The following HS2ST1 variants were observed in gnomAD, a reference collection of about 807,000 sequenced individuals.
HS2ST1 encodes the protein heparan sulfate 2-O-sulfotransferase 1, also known as 2-O-sulfotransferase.
HS2ST1 carries 18 observed loss-of-function variants against 42.9 expected under a neutral mutation model. That is an observed-to-expected ratio of 0.42 (90% confidence interval 0.29 to 0.62). HS2ST1 has a LOEUF of 0.62. HS2ST1 is among the 20% of genes least tolerant of loss of function. HS2ST1 has a pLI of 0.21. For missense variants in HS2ST1, 334 were observed against 433.8 expected (o/e 0.77, Z 2.04); for synonymous variants, 146 against 152.9 (o/e 0.95, Z 0.33).
chr1:86,983,010 G>T (rs1168253547), intron 1 of HS2ST1, among the ~76,000 whole-genome samples: 2 of 152,146 alleles, frequency 1.3e-5, no homozygotes, highest in Non-Finnish European at 1.5e-5. Flanking sequence ...GACCACCTCA[G>T]CCTGGACCCC....
intron 1 of HS2ST1, among the ~76,000 whole-genome samples, chr1:86,933,048 G>T (rs535103075): frequency 1.4e-3 from 209 of 152,150 alleles, no homozygotes; most frequent in Middle Eastern, 3.4e-3. Context: ...AGAATATTTA[G>T]AGAACATGAA....
chr1:87,026,345 A>G (rs547474954), intron 1 of HS2ST1, among the ~76,000 whole-genome samples: 6 of 152,312 alleles, frequency 3.9e-5, no homozygotes, highest in African/African-American at 1.4e-4. Context: ...CTCTTAAAAC[A>G]TCTTTTCTTT....
At chr1:87,046,718 TA>T in intron 1 of HS2ST1, 1 of 1,143,584 alleles carries the variant, frequency 8.7e-7, no homozygotes, top group Non-Finnish European at 1.2e-6. Context: ...ATGTCGATTT[TA>T]TTTATTTTTG....
chr1:86,992,957 C>A, intron 1 of HS2ST1: 1 of 1,006,076 alleles, frequency 9.9e-7, no homozygotes, highest in Non-Finnish European at 1.4e-6. Flanking sequence ...TTAGCAAGGC[C>A]TGTTTGTTCA....
chr1:86,934,901 C>T (rs1660611769), intron 1 of HS2ST1: 1 of 124,180 alleles, frequency 8.1e-6, no homozygotes, highest in South Asian at 2.5e-4. Context: ...GCATTCCTGC[C>T]TGGGCGACAA....
chr1:86,915,823 T>C (rs1011689248), intron 1 of HS2ST1, among the ~76,000 whole-genome samples: 3 of 152,224 alleles, frequency 2.0e-5, no homozygotes, highest in Non-Finnish European at 2.9e-5. Flanking sequence ...AATTCTTCTT[T>C]AGTGGCGCTA....
chr1:87,066,997 T>A (rs1651269712), intron 1 of HS2ST1, among the ~76,000 whole-genome samples: 2 of 152,254 alleles, frequency 1.3e-5, no homozygotes, highest in Admixed American at 1.3e-4. Flanking sequence ...TGGTTCCACA[T>A]CTTTACTATT....
At chr1:87,029,144 G>A (rs1165312839) in intron 1 of HS2ST1, among the ~76,000 whole-genome samples, 1 of 152,082 alleles carries the variant, frequency 6.6e-6, no homozygotes, top group Non-Finnish European at 1.5e-5. Flanking sequence ...GGATGGTTTA[G>A]TATTAGGAAT....
At chr1:87,028,648 C>T (rs934549377) in intron 1 of HS2ST1, among the ~76,000 whole-genome samples, 2 of 152,090 alleles carry the variant, frequency 1.3e-5, no homozygotes, top group Non-Finnish European at 2.9e-5. Context: ...GGGTATATAC[C>T]ATATGTTAGA....
At chr1:87,068,216 T>C (rs560056797) in intron 1 of HS2ST1, among the ~76,000 whole-genome samples, 1 of 152,322 alleles carries the variant, frequency 6.6e-6, no homozygotes, top group Admixed American at 6.5e-5. Context: ...TGTTTTTCCA[T>C]TTATTTGTGT....
intron 1 of HS2ST1, among the ~76,000 whole-genome samples, chr1:86,988,036 C>G (rs969256703): frequency 3.9e-5 from 6 of 152,182 alleles, no homozygotes; most frequent in African/African-American, 1.4e-4. Context: ...TTGCTGGTCT[C>G]TCTCACCTCA....
At chr1:87,006,610 GAAATA>G (rs1387421587) in intron 1 of HS2ST1, among the ~76,000 whole-genome samples, 1 of 152,088 alleles carries the variant, frequency 6.6e-6, no homozygotes, top group Non-Finnish European at 1.5e-5. Flanking sequence ...AATTCTGAAT[GAAATA>G]AATTGAATCA....
intron 1 of HS2ST1, among the ~76,000 whole-genome samples, chr1:87,016,005 C>T (rs11161924): frequency 0.035 from 5,229 of 151,536 alleles, 182 homozygotes; most frequent in African/African-American, 0.088. Flanking sequence ...TTAGTAGAGA[C>T]GGGGTTTCAC....
intron 2 of HS2ST1, among the ~76,000 whole-genome samples, chr1:87,073,468 G>A (rs749998281): frequency 1.3e-4 from 19 of 151,902 alleles, no homozygotes; most frequent in Non-Finnish European, 1.9e-4. Flanking sequence ...ATATAATTTT[G>A]GCATGATACC....
intron 1 of HS2ST1, among the ~76,000 whole-genome samples, chr1:86,964,491 A>G (rs1358689077): frequency 6.6e-6 from 1 of 152,210 alleles, no homozygotes; most frequent in Admixed American, 6.5e-5. Context: ...TACGAAAACC[A>G]GTCAGGCGTG....
At chr1:86,926,309 T>C (rs1017348807) in intron 1 of HS2ST1, among the ~76,000 whole-genome samples, 2 of 152,178 alleles carry the variant, frequency 1.3e-5, no homozygotes, top group African/African-American at 4.8e-5. Context: ...TGCTGAAAAT[T>C]CTGTTTTTAG....
At position 87,105,418 on chromosome 1, in the gene HS2ST1, G is replaced by GTTAAGATTTTCACACA. The variant is rs1652306557; in HGVS notation, c.*727_*742dup. The GTTAAGATTTTCACACA allele has an allele frequency of 6.6e-6, 1 of 152,458 alleles. No individual in the cohort carries two copies. The highest frequency in any genetic ancestry group is 1.5e-5 in the Non-Finnish European group (1 of 67,962). The allele number at this position is 152,458 out of a possible 1,614,324, so 9.4% of individuals were successfully genotyped here. On this transcript the variant is annotated 3_prime_UTR_variant, in exon 7 of 7. Transcript: ENST00000370550. Reference sequence around the variant, plus strand: ...AATATTGAGATTGTCTGAAGTTTTAGTTAAGATTTTCACACATTAATATCA... The same window carrying GTTAAGATTTTCACACA: ...AATATTGAGATTGTCTGAAGTTTTAGTTAAGATTTTCACACATTAAGATTTTCACACATTAATATCA...
chr1:86,954,940 T>C (rs1647635095), intron 1 of HS2ST1, among the ~76,000 whole-genome samples: 1 of 151,938 alleles, frequency 6.6e-6, no homozygotes, highest in Admixed American at 6.6e-5. Context: ...CTACAAAAAA[T>C]AGAAAAAATT....
intron 1 of HS2ST1, among the ~76,000 whole-genome samples, chr1:86,922,169 G>GT (rs141078792): frequency 0.31 from 44,327 of 145,198 alleles, 8,800 homozygotes; most frequent in African/African-American, 0.57. Flanking sequence ...CTTTGTTGTT[G>GT]TTTTTTTTTT....
Sources: allele counts gnomAD v4.1 joint callset (sites outside exome capture counted in the v4.1 genomes callset), GRCh38; gene constraint gnomAD v4.1.1; transcripts MANE v1.5; gene names NCBI Gene and HGNC (gene_info 2026-07-23, HGNC 2026-07-21).